The following PRKCE variants were observed in gnomAD, a reference collection of about 807,000 sequenced individuals.
PRKCE encodes protein kinase C epsilon type.
In PRKCE, 16 loss-of-function variants were observed where a neutral mutation model predicts 85.4. That is an observed-to-expected ratio of 0.19 (90% CI 0.13 to 0.28). PRKCE has a LOEUF of 0.28. Among genes scored for constraint, PRKCE ranks in the 10% least tolerant of loss-of-function variants. The pLI is 1.00. For missense variants in PRKCE, 573 were observed against 975.2 expected (o/e 0.59, Z 5.49); for synonymous variants, 388 against 371.5 (o/e 1.04, Z -0.51).
chr2:45,704,501 G>A (rs1310472536), intron 1 of PRKCE, among the ~76,000 whole-genome samples: 2 of 152,204 alleles, frequency 1.3e-5, no homozygotes, highest in East Asian at 3.9e-4. Context: ...TGTGACTTGG[G>A]AGTGTTGGGG....
At chr2:45,970,488 A>G (rs1574067189) in intron 2 of PRKCE, among the ~76,000 whole-genome samples, 1 of 152,156 alleles carries the variant, frequency 6.6e-6, no homozygotes. Context: ...GAAGCATTCA[A>G]TGTGACAACA....
intron 11 of PRKCE, among the ~76,000 whole-genome samples, chr2:46,144,356 C>T (rs1418741907): frequency 1.3e-5 from 2 of 152,276 alleles, no homozygotes; most frequent in East Asian, 1.9e-4. Flanking sequence ...TTGCTGTTAG[C>T]ATGCATTTCA....
rs141019584 is a variant in PRKCE, at chr2:45,915,826, G to A, written c.413-60603G>A. Among the ~76,000 whole-genome samples, 98 of 152,244 alleles carry A rather than the reference G, an allele frequency of 6.4e-4. 2 individuals carry two copies. Among genetic ancestry groups the A allele is most frequent in the African/African-American group, 2.2e-3 (92 of 41,550 alleles). On this transcript the variant is annotated intron_variant, in intron 2 of 14. Coordinates refer to ENST00000306156, the MANE Select transcript of PRKCE (RefSeq NM_005400.3). ...CCAGGATGAGAGAAGCCAGTTCTTAGTTCCCAAGCATCCTCCTCTCCCACT... is the reference window on the plus strand; with the variant it reads ...CCAGGATGAGAGAAGCCAGTTCTTAATTCCCAAGCATCCTCCTCTCCCACT...
chr2:45,921,109 G>A (rs1048264341), intron 2 of PRKCE, among the ~76,000 whole-genome samples: 3 of 152,236 alleles, frequency 2.0e-5, no homozygotes, highest in Admixed American at 6.5e-5. Context: ...TCACAAAATC[G>A]AAATAAACTG....
At chr2:45,966,298 C>T (rs557789993) in intron 2 of PRKCE, among the ~76,000 whole-genome samples, 11 of 152,314 alleles carry the variant, frequency 7.2e-5, no homozygotes, top group African/African-American at 1.9e-4. Context: ...CTCCCACAAA[C>T]GTGTGCGTGA....
chr2:45,703,497 C>T (rs1367179003), intron 1 of PRKCE, among the ~76,000 whole-genome samples: 1 of 151,348 alleles, frequency 6.6e-6, no homozygotes, highest in East Asian at 1.9e-4. Context: ...GTGATCACAA[C>T]ACTGCACTCT....
At chr2:45,881,641 T>C (rs965633057) in intron 2 of PRKCE, among the ~76,000 whole-genome samples, 1 of 152,232 alleles carries the variant, frequency 6.6e-6, no homozygotes, top group Non-Finnish European at 1.5e-5. Context: ...CTCAGCATCA[T>C]TATGTGGTAG....
chr2:45,755,851 T>C (rs534118435), intron 1 of PRKCE, among the ~76,000 whole-genome samples: 1 of 152,168 alleles, frequency 6.6e-6, no homozygotes, highest in Non-Finnish European at 1.5e-5. Context: ...GGAAAGCTCC[T>C]TGGGGCTGGA....
intron 2 of PRKCE, among the ~76,000 whole-genome samples, chr2:45,898,954 ATCT>A (rs1345087751): frequency 2.0e-5 from 3 of 152,200 alleles, no homozygotes; most frequent in Non-Finnish European, 4.4e-5. Flanking sequence ...GCAGCCCCCA[ATCT>A]TCTTAGCTAG....
chr2:45,958,976 G>C (rs768972210), intron 2 of PRKCE, among the ~76,000 whole-genome samples: 1 of 150,714 alleles, frequency 6.6e-6, no homozygotes, highest in Non-Finnish European at 1.5e-5. Context: ...AAAGAGCCAC[G>C]TCAGGGGTCT....
intron 10 of PRKCE, among the ~76,000 whole-genome samples, chr2:46,053,600 G>C (rs78665052): frequency 0.026 from 3,954 of 152,274 alleles, 67 homozygotes; most frequent in Middle Eastern, 0.051. Flanking sequence ...GAGTCATACA[G>C]TATCTATCTT....
intron 1 of PRKCE, among the ~76,000 whole-genome samples, chr2:45,811,936 G>A (rs1167762558): frequency 6.6e-6 from 1 of 152,154 alleles, no homozygotes; most frequent in Non-Finnish European, 1.5e-5. Context: ...CCCCTCCCAT[G>A]TATTTATTTA....
At chr2:45,807,299 A>T (rs1688318891) in intron 1 of PRKCE, among the ~76,000 whole-genome samples, 1 of 152,248 alleles carries the variant, frequency 6.6e-6, no homozygotes, top group Non-Finnish European at 1.5e-5. Flanking sequence ...ATGATCAAAG[A>T]TGGGCTTCTC....
intron 2 of PRKCE, among the ~76,000 whole-genome samples, chr2:45,967,914 C>T (rs1192165621): frequency 1.3e-5 from 2 of 152,078 alleles, no homozygotes; most frequent in Non-Finnish European, 2.9e-5. Context: ...ACCATACTGG[C>T]AGAAAGGGGA....
chr2:46,015,691 C>CAAAAAAAAAAAAAAAAAAAACA (rs1706073900), intron 10 of PRKCE, among the ~76,000 whole-genome samples: 1 of 80,798 alleles, frequency 1.2e-5, no homozygotes, highest in Non-Finnish European at 2.5e-5. Flanking sequence ...AACACTAAAC[C>CAAAAAAAAAAAAAAAAAAAACA]AAAAAAAAAA....
chr2:45,822,519 C>T (rs572526004), intron 1 of PRKCE, among the ~76,000 whole-genome samples: 2 of 152,348 alleles, frequency 1.3e-5, no homozygotes, highest in South Asian at 4.1e-4. Context: ...GGGTAACTGC[C>T]AGCCATCCCC....
chr2:45,705,339 T>C (rs1390188618), intron 1 of PRKCE, among the ~76,000 whole-genome samples: 3 of 152,214 alleles, frequency 2.0e-5, no homozygotes, highest in African/African-American at 7.2e-5. Flanking sequence ...GCTCAGACTT[T>C]CCAAAATAAA....
intron 1 of PRKCE, among the ~76,000 whole-genome samples, chr2:45,687,333 A>C (rs1343176233): frequency 6.6e-6 from 1 of 152,250 alleles, no homozygotes; most frequent in African/African-American, 2.4e-5. Flanking sequence ...CAGAAAAAAG[A>C]AATATACATG....
chr2:45,838,374 G>A (rs1022408780), intron 1 of PRKCE, among the ~76,000 whole-genome samples: 2 of 152,212 alleles, frequency 1.3e-5, no homozygotes, highest in Non-Finnish European at 2.9e-5. Context: ...AGCTCTCTAA[G>A]CCTGTTTTTT....
Sources: gnomAD v4.1 joint callset for allele counts (sites outside exome capture counted in the v4.1 genomes callset) on GRCh38, gnomAD v4.1.1 for gene constraint, MANE v1.5 for transcripts, NCBI Gene and HGNC (gene_info 2026-07-23, HGNC 2026-07-21) for gene names.